Variants in KCNN3 observed in about 807,000 individuals in gnomAD.
KCNN3 encodes small conductance calcium-activated potassium channel protein 3.
In KCNN3, 16 loss-of-function variants were observed where a neutral mutation model predicts 62.9. That is an observed-to-expected ratio of 0.25 (90% CI 0.17 to 0.39). KCNN3 has a LOEUF of 0.39. Among genes scored for constraint, KCNN3 ranks in the 10% least tolerant of loss-of-function variants. The pLI is 1.00. For missense variants in KCNN3, 599 were observed against 949.4 expected, an observed-to-expected ratio of 0.63 and a Z score of 4.85; for synonymous variants, 370 against 389.2, an observed-to-expected ratio of 0.95 and a Z score of 0.58.
At chr1:154,825,903 C>G (rs1257480008) in intron 1 of KCNN3, among the ~76,000 whole-genome samples, 1 of 151,452 alleles carries the variant, frequency 6.6e-6, no homozygotes, top group Non-Finnish European at 1.5e-5. Context: ...AAAAAATTAG[C>G]GGGACGTGGT....
intron 2 of KCNN3, among the ~76,000 whole-genome samples, chr1:154,801,253 A>C (rs1649942543): frequency 6.6e-6 from 1 of 152,166 alleles, no homozygotes; most frequent in South Asian, 2.1e-4. Flanking sequence ...AAGTAGAAGA[A>C]GGCCGTTTGC....
intron 2 of KCNN3, among the ~76,000 whole-genome samples, chr1:154,814,607 C>T (rs1287814239): frequency 6.6e-6 from 1 of 152,206 alleles, no homozygotes; most frequent in Non-Finnish European, 1.5e-5. Context: ...CGGCCAGGCC[C>T]AAGGCCTCAT....
At chr1:154,843,229 A>G (rs894751926) in intron 1 of KCNN3, among the ~76,000 whole-genome samples, 1 of 151,660 alleles carries the variant, frequency 6.6e-6, no homozygotes, top group Non-Finnish European at 1.5e-5. Context: ...CCACCTCCCA[A>G]CCAGGGCTGG....
intron 3 of KCNN3, among the ~76,000 whole-genome samples, chr1:154,751,262 C>T (rs1170408222): frequency 2.0e-5 from 3 of 152,180 alleles, no homozygotes; most frequent in Middle Eastern, 3.2e-3. Flanking sequence ...AGCTCTAAAG[C>T]CCCCTCCAGC....
intron 1 of KCNN3, among the ~76,000 whole-genome samples, chr1:154,828,525 C>A (rs1651238525): frequency 2.6e-5 from 4 of 152,156 alleles, no homozygotes; most frequent in Admixed American, 6.5e-5. Context: ...TTCTAAATAA[C>A]ATAGGATTTG....
intron 4 of KCNN3, among the ~76,000 whole-genome samples, chr1:154,729,701 A>G (rs965377896): frequency 1.3e-5 from 2 of 152,244 alleles, no homozygotes; most frequent in African/African-American, 2.4e-5. Flanking sequence ...ATTCCATGCA[A>G]CAACTAAAAT....
intron 2 of KCNN3, among the ~76,000 whole-genome samples, chr1:154,775,692 C>T (rs961840385): frequency 1.3e-5 from 2 of 151,574 alleles, no homozygotes; most frequent in Non-Finnish European, 2.9e-5. Context: ...AGACAGTACC[C>T]AGCACAGCAC....
chr1:154,748,072 G>A (rs1002824504), intron 3 of KCNN3, among the ~76,000 whole-genome samples: 2 of 152,206 alleles, frequency 1.3e-5, no homozygotes, highest in Non-Finnish European at 2.9e-5. Flanking sequence ...TTTGTCGGTC[G>A]GCAGGTGCTG....
At chr1:154,827,668 G>A (rs930821546) in intron 1 of KCNN3, among the ~76,000 whole-genome samples, 3 of 152,066 alleles carry the variant, frequency 2.0e-5, no homozygotes, top group Non-Finnish European at 2.9e-5. Flanking sequence ...GCATGGTGGT[G>A]CAAGCCTGTA....
intron 3 of KCNN3, among the ~76,000 whole-genome samples, chr1:154,766,054 C>T (rs964746603): frequency 9.2e-5 from 14 of 151,966 alleles, no homozygotes; most frequent in South Asian, 4.2e-4. Flanking sequence ...TTCTCAAAGG[C>T]CTCCAGCAGG....
At chr1:154,708,389 G>T in intron 7 of KCNN3, 117 bp from the exon 8 acceptor site, 1 of 1,034,192 alleles carries the variant, frequency 9.7e-7, no homozygotes. Context: ...CACACCAGCT[G>T]ATCTGGTCAA....
At chr1:154,837,940 A>G (rs1328672082) in intron 1 of KCNN3, among the ~76,000 whole-genome samples, 2 of 152,184 alleles carry the variant, frequency 1.3e-5, no homozygotes, top group South Asian at 2.1e-4. Context: ...TGCTGAGGTC[A>G]GCGGGGAGGA....
intron 6 of KCNN3, among the ~76,000 whole-genome samples, chr1:154,714,111 ATGTGG>A (rs1557937851): frequency 4.6e-4 from 1 of 2,158 alleles, no homozygotes; most frequent in African/African-American, 1.8e-3. Context: ...GGTGTGTGTG[ATGTGG>A]TGTGTGTGGG....
rs964356838 is a variant in KCNN3 at position 154,699,800 on chromosome 1, T to C, written c.*8176A>G. On this transcript the variant is annotated 3_prime_UTR_variant, in exon 8 of 8. Coordinates refer to ENST00000271915, the MANE Select transcript of KCNN3 (RefSeq NM_002249.6). ...TCGAGAAACACAACAATTTCTGTAC[T>C]ATGCTAAGCAGAGACTCCTGTAGCC... The C allele has an allele frequency of 2.0e-5, 3 of 152,246 alleles. No individual in the cohort carries two copies. Among genetic ancestry groups the C allele is most frequent in the African/African-American group, 7.2e-5 (3 of 41,528 alleles). 9.4% of individuals were successfully genotyped at this position (152,246 alleles called of 1,614,324 possible).
Position 154,848,161 on chromosome 1 carries a change from G to C in KCNN3, c.933+20871C>G, listed in dbSNP as rs570267442. On this transcript the variant is annotated intron_variant, in intron 1 of 7. Coordinates refer to ENST00000271915, the MANE Select transcript of KCNN3 (RefSeq NM_002249.6). ...GGGCACCGTGCCATCCTGTTCTCTG[G>C]GACCAGAAGGCTGCCTGATGCTCGC... is the stretch of plus-strand genomic sequence containing the variant. Among the ~76,000 whole-genome samples the C allele has an allele frequency of 2.3e-3, 348 of 152,308 alleles. 1 individual carries two copies. Among genetic ancestry groups the C allele is most frequent in the Middle Eastern group, 6.8e-3 (2 of 294 alleles).
At chr1:154,842,404 G>T (rs1211964235) in intron 1 of KCNN3, among the ~76,000 whole-genome samples, 1 of 152,146 alleles carries the variant, frequency 6.6e-6, no homozygotes, top group Admixed American at 6.5e-5. Flanking sequence ...GAGGAGAGGG[G>T]CCCTGGGGCA....
At chr1:154,849,594 C>T (rs1351267570) in intron 1 of KCNN3, among the ~76,000 whole-genome samples, 1 of 152,204 alleles carries the variant, frequency 6.6e-6, no homozygotes, top group African/African-American at 2.4e-5. Flanking sequence ...TTCACTGAGG[C>T]ATGAGGAGTC....
intron 2 of KCNN3, among the ~76,000 whole-genome samples, chr1:154,813,365 GT>G (rs1456626523): frequency 2.0e-5 from 3 of 152,132 alleles, no homozygotes; most frequent in African/African-American, 7.2e-5. Flanking sequence ...CAAGTGTGTG[GT>G]TTCCAAGGTA....
intron 1 of KCNN3, among the ~76,000 whole-genome samples, chr1:154,855,727 A>T (rs1652494896): frequency 6.6e-6 from 1 of 152,252 alleles, no homozygotes; most frequent in Non-Finnish European, 1.5e-5. Context: ...TGTGATGCCT[A>T]GAACAATACA....
Sources: allele counts gnomAD v4.1 joint callset (sites outside exome capture counted in the v4.1 genomes callset), GRCh38; gene constraint gnomAD v4.1.1; transcripts MANE v1.5; gene names NCBI Gene and HGNC (gene_info 2026-07-23, HGNC 2026-07-21).